RAI14: variants seen among roughly 807,000 people sequenced by gnomAD.
The protein encoded by RAI14 is ankycorbin.
Under a neutral mutation model 115.4 loss-of-function variants are expected in RAI14, and 45 were observed. That is an observed-to-expected ratio of 0.39 (90% confidence interval 0.31 to 0.50). The LOEUF (loss-of-function observed/expected upper bound fraction) is 0.50, where lower values mean the gene tolerates loss of function less well. Among genes scored for constraint, RAI14 ranks in the 20% least tolerant of loss-of-function variants. The probability of loss-of-function intolerance (pLI) is 0.85; values close to 1 mark genes in which losing one functional copy is unlikely to be tolerated. For missense variants in RAI14, 939 were observed against 1,131.2 expected (o/e 0.83, Z 2.44); for synonymous variants, 371 against 415.4 (o/e 0.89, Z 1.30).
In RAI14 at chr5:34,823,505, GAGTT is replaced by G; in HGVS notation, c.1666_1669del (p.Leu556ArgfsTer5). The G allele has an allele frequency of 6.2e-7, 1 of 1,614,072 alleles. No individual in the cohort carries two copies. Among genetic ancestry groups the G allele is most frequent in the Non-Finnish European group, 8.5e-7 (1 of 1,180,016 alleles). ...TGAAAGAAATAAAGAGAAAGTGAGA[GAGTT>G]AGAGGAAAAACTGGTAGAGAGGGAG... is the stretch of plus-strand genomic sequence containing the variant. On this transcript the variant is annotated frameshift_variant, in exon 15 of 18. Transcript: ENST00000265109. LOFTEE classifies it high-confidence loss of function. This position sits in a 1 kb window ranked among gnomAD's most constrained non-coding sequence, Gnocchi z 4.5.
At chr5:34,763,232 C>T (rs55736609) in intron 3 of RAI14, among the ~76,000 whole-genome samples, 26,561 of 152,028 alleles carry the variant, frequency 0.17, 2,347 homozygotes, top group Middle Eastern at 0.3. Flanking sequence ...TCTTGGAAAT[C>T]GAGTTATACC....
chr5:34,821,657 G>C, intron 13 of RAI14, 75 bp from the exon 14 acceptor site: 1 of 894,316 alleles, frequency 1.1e-6, no homozygotes, highest in African/African-American at 1.7e-5. Flanking sequence ...ATTAGGCTAG[G>C]AAGTGAATTT....
At chr5:34,699,466 G>T (rs1449358316) in intron 2 of RAI14, among the ~76,000 whole-genome samples, 1 of 152,156 alleles carries the variant, frequency 6.6e-6, no homozygotes, top group East Asian at 1.9e-4. Context: ...GCATCATCCT[G>T]ATCTCTGCCT....
chr5:34,666,504 A>T (rs538823347), intron 1 of RAI14, among the ~76,000 whole-genome samples: 1 of 152,208 alleles, frequency 6.6e-6, no homozygotes, highest in African/African-American at 2.4e-5. Flanking sequence ...CTTTTAGTTG[A>T]GGAACTGACC....
intron 2 of RAI14, among the ~76,000 whole-genome samples, chr5:34,746,717 C>G (rs1746274755): frequency 6.6e-6 from 1 of 152,052 alleles, no homozygotes; most frequent in Non-Finnish European, 1.5e-5. Context: ...TTTGCTTGCC[C>G]CAGTGTATGA....
intron 2 of RAI14, among the ~76,000 whole-genome samples, chr5:34,688,676 G>A (rs1738182059): frequency 6.6e-6 from 1 of 152,070 alleles, no homozygotes; most frequent in South Asian, 2.1e-4. Context: ...GGAGGAAATT[G>A]GTATAATGGA....
At chr5:34,755,690 A>C (rs1393078276) in intron 2 of RAI14, among the ~76,000 whole-genome samples, 5 of 152,214 alleles carry the variant, frequency 3.3e-5, no homozygotes, top group Non-Finnish European at 2.9e-5. Context: ...CCACAGGGGC[A>C]AAACAAATCC....
chr5:34,819,002 C>G (rs138416133), intron 13 of RAI14, 151 bp downstream of exon 13: 1 of 645,354 alleles, frequency 1.5e-6, no homozygotes, highest in East Asian at 2.8e-5. Context: ...CAAGCTGAAG[C>G]GCTCTGTACT....
In RAI14 at chr5:34,665,198, T is replaced by TATATATATACACACAC. The variant is rs369742853; in HGVS notation, c.-49+8724_-49+8725insTATATATACACACACA. 1.1e-4 allele frequency among the ~76,000 whole-genome samples: 8 copies of TATATATATACACACAC among 75,718 alleles called. 2 individuals carry two copies. Among genetic ancestry groups the TATATATATACACACAC allele is most frequent in the Non-Finnish European group, 2.2e-4 (8 of 36,592 alleles). The allele number at this position is 75,718 out of a possible 152,430, so 49.7% of individuals were successfully genotyped here. On this transcript the variant is annotated intron_variant, in intron 1 of 17. Transcript: ENST00000265109. ...ACACACATATATATATGTATATATA[T>TATATATATACACACAC]ACACACACCACAGTTTCTTTATCCA... is the stretch of plus-strand genomic sequence containing the variant.
At chr5:34,759,004 G>A (rs1324180044) in intron 3 of RAI14, among the ~76,000 whole-genome samples, 1 of 152,210 alleles carries the variant, frequency 6.6e-6, no homozygotes, top group African/African-American at 2.4e-5. Context: ...GCTCCCGCCT[G>A]TAATCCCAGC....
At chr5:34,663,650 A>G (rs1742873819) in intron 1 of RAI14, among the ~76,000 whole-genome samples, 1 of 152,232 alleles carries the variant, frequency 6.6e-6, no homozygotes, top group Non-Finnish European at 1.5e-5. Context: ...TGTGTCCAGT[A>G]GAGTATCTGC....
intron 4 of RAI14, among the ~76,000 whole-genome samples, 178 bp from the exon 5 acceptor site, chr5:34,803,534 G>A (rs1168756268): frequency 6.6e-6 from 1 of 151,672 alleles, no homozygotes. Context: ...TCCAGCCTGG[G>A]TGACAGAGTG....
At chr5:34,692,377 C>T (rs1346162086) in intron 2 of RAI14, among the ~76,000 whole-genome samples, 2 of 151,976 alleles carry the variant, frequency 1.3e-5, no homozygotes, top group Non-Finnish European at 2.9e-5. Flanking sequence ...TTTACAATTG[C>T]TCACTCCTCC....
At position 34,824,080 on chromosome 5, in the gene RAI14, G is replaced by A. The variant is rs1425070139; in HGVS notation, c.2238G>A (p.Glu746=). 2 of 1,614,162 alleles carry A rather than the reference G, an allele frequency of 1.2e-6. No individual in the cohort carries two copies. The highest frequency in any genetic ancestry group is 8.5e-7 in the Non-Finnish European group (1 of 1,180,022). Residue 746 remains glutamate (E), a synonymous_variant, in exon 15 of 18, where the codon GAG becomes GAA. Coordinates refer to ENST00000265109, the MANE Select transcript of RAI14 (RefSeq NM_015577.3). The part of the protein sequence containing the change: ...VITTLRTAAK[E]MEEKISNLKE... ...CCACGCTGCGGACTGCAGCAAAAGA[G>A]ATGGAAGAAAAAATAAGCAATCTTA...
rs140628553 is a variant in RAI14 at position 34,722,081 on chromosome 5, T to C, written c.36+35126T>C. On this transcript the variant is annotated intron_variant, in intron 2 of 17. Coordinates refer to ENST00000265109, the MANE Select transcript of RAI14 (RefSeq NM_015577.3). ...GGTGTCTCGCCCTGAAAGTGAGTTT[T>C]ATGTATGCCATGTAGTCTATATGTA... Among the ~76,000 whole-genome samples the C allele has an allele frequency of 5.9e-3, 902 of 152,064 alleles. 6 individuals are homozygous for C. Among genetic ancestry groups the C allele is most frequent in the African/African-American group, 0.021 (866 of 41,438 alleles).
At chr5:34,673,475 G>C (rs995995684) in intron 1 of RAI14, among the ~76,000 whole-genome samples, 7 of 152,204 alleles carry the variant, frequency 4.6e-5, no homozygotes, top group African/African-American at 1.7e-4. Context: ...CTGACTTCAG[G>C]AATGGGCTGA....
At chr5:34,799,836 CG>C in intron 4 of RAI14, among the ~76,000 whole-genome samples, 1 of 152,042 alleles carries the variant, frequency 6.6e-6, no homozygotes, top group South Asian at 2.1e-4. Flanking sequence ...TACAGGCGCC[CG>C]CCACCACGCC....
intron 2 of RAI14, among the ~76,000 whole-genome samples, chr5:34,703,216 C>T (rs1447858680): frequency 3.3e-5 from 5 of 151,168 alleles, no homozygotes; most frequent in African/African-American, 1.2e-4. Context: ...CAAAATTGTA[C>T]ATTACATTAT....
rs1213800035 is a variant in RAI14 at position 34,752,743 on chromosome 5, GTGTGTGTA to G, written c.37-4723_37-4716del. Among the ~76,000 whole-genome samples the G allele has an allele frequency of 4.0e-4, 40 of 100,900 alleles. No individual in the cohort carries two copies. In the South Asian group the frequency reaches 8.0e-3, roughly 20 times the overall value. 66.2% of individuals were successfully genotyped at this position (100,900 alleles called of 152,430 possible). On this transcript the variant is annotated intron_variant, in intron 2 of 17. Transcript: ENST00000265109. ...TGTGTGTGTGTGTGTGTGTGTGTGT[GTGTGTGTA>G]TATATATATATATATGTATCTTTTC...
Sources: allele counts gnomAD v4.1 joint callset (sites outside exome capture counted in the v4.1 genomes callset), GRCh38; gene constraint gnomAD v4.1.1; non-coding constraint Gnocchi (gnomAD v3.1); transcripts MANE v1.5; gene names NCBI Gene and HGNC (gene_info 2026-07-23, HGNC 2026-07-21).